The following MALRD1 variants were observed in gnomAD, a reference collection of about 807,000 sequenced individuals.
The protein encoded by MALRD1 is MAM and LDL-receptor class A domain-containing protein 1.
A neutral mutation model predicts 242.1 loss-of-function variants in MALRD1; 247 were observed. That is an observed-to-expected ratio of 1.02 (90% CI 0.92 to 1.13). MALRD1 has a LOEUF of 1.13. Among genes scored for constraint, MALRD1 ranks in the 50% most tolerant of loss-of-function variants. The pLI is 0.00. For synonymous variants in MALRD1, 995 were observed against 866.6 expected, an observed-to-expected ratio of 1.15 and a Z score of -2.60; for missense variants, 2,989 against 2,533.1, an observed-to-expected ratio of 1.18 and a Z score of -3.86.
At chr10:19,185,891 T>C (rs886783128) in intron 14 of MALRD1, among the ~76,000 whole-genome samples, 14 of 152,054 alleles carry the variant, frequency 9.2e-5, no homozygotes, top group African/African-American at 2.9e-4. Flanking sequence ...TTCTGAAAAA[T>C]GTTTCTGAGT....
intron 38 of MALRD1, among the ~76,000 whole-genome samples, chr10:19,694,426 A>C (rs919656549): frequency 6.6e-6 from 1 of 152,206 alleles, no homozygotes; most frequent in Non-Finnish European, 1.5e-5. Flanking sequence ...ATGAACAGAC[A>C]CTTCTCAAAA....
At chr10:19,467,595 C>T (rs1388771680) in intron 29 of MALRD1, among the ~76,000 whole-genome samples, 1 of 151,506 alleles carries the variant, frequency 6.6e-6, no homozygotes, top group Non-Finnish European at 1.5e-5. Flanking sequence ...GGATGTAATT[C>T]ACCCCACAAT....
chr10:19,269,994 T>C (rs1408821414), intron 19 of MALRD1, among the ~76,000 whole-genome samples: 1 of 152,200 alleles, frequency 6.6e-6, no homozygotes, highest in Non-Finnish European at 1.5e-5. Context: ...CTAGTTAAGT[T>C]GAAATCAGAA....
rs368519230 is a variant in MALRD1 at position 19,253,823 on chromosome 10, A to C, written c.2992-3861A>C. Among the ~76,000 whole-genome samples the C allele has an allele frequency of 1.6e-3, 241 of 151,948 alleles. 2 individuals are homozygous for C. Among genetic ancestry groups the C allele is most frequent in the African/African-American group, 5.7e-3 (235 of 41,494 alleles). ...TCAACACAAATCTGATTTCTTTCCCAATTGATATGGTTTGGCTCTGTGTCC... is the reference window on the plus strand; with the variant it reads ...TCAACACAAATCTGATTTCTTTCCCCATTGATATGGTTTGGCTCTGTGTCC... On this transcript the variant is annotated intron_variant, in intron 18 of 39. Coordinates refer to ENST00000454679, the MANE Select transcript of MALRD1 (RefSeq NM_001142308.3).
intron 28 of MALRD1, among the ~76,000 whole-genome samples, chr10:19,408,026 G>A (rs969713009): frequency 7.9e-5 from 12 of 152,104 alleles, no homozygotes; most frequent in African/African-American, 1.2e-4. Flanking sequence ...GAAACAATGA[G>A]TATTGCCAGG....
intron 18 of MALRD1, among the ~76,000 whole-genome samples, chr10:19,248,885 A>G (rs1839177070): frequency 6.7e-6 from 1 of 148,722 alleles, no homozygotes; most frequent in Admixed American, 6.8e-5. Flanking sequence ...GATATATAAC[A>G]TATATGATAT....
intron 18 of MALRD1, among the ~76,000 whole-genome samples, chr10:19,238,534 TTATA>T (rs370403204): frequency 0.048 from 3,647 of 76,726 alleles, 345 homozygotes; most frequent in Non-Finnish European, 0.074. Context: ...ATAATATACA[TTATA>T]TATAATATAT....
intron 38 of MALRD1, among the ~76,000 whole-genome samples, chr10:19,695,298 GC>G (rs1164903619): frequency 6.6e-6 from 1 of 152,072 alleles, no homozygotes; most frequent in Non-Finnish European, 1.5e-5. Flanking sequence ...GGCTAGATTT[GC>G]CATTACTGGT....
chr10:19,170,791 C>G (rs1348126112), intron 13 of MALRD1, among the ~76,000 whole-genome samples: 1 of 152,114 alleles, frequency 6.6e-6, no homozygotes, highest in Non-Finnish European at 1.5e-5. Context: ...TACTTCTATT[C>G]TCTAATCTTC....
chr10:19,649,818 G>T (rs1840791541), intron 36 of MALRD1, among the ~76,000 whole-genome samples: 1 of 152,034 alleles, frequency 6.6e-6, no homozygotes, highest in African/African-American at 2.4e-5. Flanking sequence ...TGTCCAGGAT[G>T]GTATTGCCTA....
intron 36 of MALRD1, among the ~76,000 whole-genome samples, chr10:19,679,231 T>A (rs1842265316): frequency 6.6e-6 from 1 of 152,224 alleles, no homozygotes; most frequent in African/African-American, 2.4e-5. Context: ...TCAGAAGGAA[T>A]GGTACCAGCT....
At chr10:19,369,619 A>G (rs975114406) in intron 26 of MALRD1, among the ~76,000 whole-genome samples, 1 of 122,336 alleles carries the variant, frequency 8.2e-6, no homozygotes, top group African/African-American at 3.1e-5. Flanking sequence ...ATATTTAAAT[A>G]TACATAAGTA....
At chr10:19,510,608 A>C (rs1450521449) in intron 31 of MALRD1, among the ~76,000 whole-genome samples, 1 of 152,256 alleles carries the variant, frequency 6.6e-6, no homozygotes, top group South Asian at 2.1e-4. Flanking sequence ...GACACAGCAC[A>C]TGTTTCTGCG....
chr10:19,337,075 ATATT>A, intron 24 of MALRD1, among the ~76,000 whole-genome samples: 1 of 152,224 alleles, frequency 6.6e-6, no homozygotes, highest in Middle Eastern at 3.4e-3. Context: ...TTGTGTGTAT[ATATT>A]TGTGTATATA....
chr10:19,281,072 T>C (rs1342445095), intron 20 of MALRD1, among the ~76,000 whole-genome samples: 2 of 152,130 alleles, frequency 1.3e-5, no homozygotes, highest in Non-Finnish European at 2.9e-5. Flanking sequence ...GTGAGGTTCA[T>C]ATTTATTCTT....
At chr10:19,513,380 G>C (rs1833487722) in intron 31 of MALRD1, among the ~76,000 whole-genome samples, 1 of 151,562 alleles carries the variant, frequency 6.6e-6, no homozygotes, top group African/African-American at 2.4e-5. Context: ...GCAGATACTG[G>C]TGCCATGCTT....
intron 14 of MALRD1, among the ~76,000 whole-genome samples, chr10:19,200,085 G>A (rs1018796582): frequency 6.6e-6 from 1 of 152,136 alleles, no homozygotes; most frequent in Non-Finnish European, 1.5e-5. Context: ...CTGAGGTCAT[G>A]TCACTGCACT....
chr10:19,170,158 A>G (rs1287205799), intron 13 of MALRD1, among the ~76,000 whole-genome samples: 1 of 152,236 alleles, frequency 6.6e-6, no homozygotes, highest in Non-Finnish European at 1.5e-5. Context: ...TGACATTTCA[A>G]TATTCCCTCT....
intron 36 of MALRD1, among the ~76,000 whole-genome samples, chr10:19,641,825 TC>T (rs1249046239): frequency 6.6e-6 from 1 of 152,148 alleles, no homozygotes; most frequent in African/African-American, 2.4e-5. Flanking sequence ...AGACATGGCT[TC>T]CCCAGAGTGA....
Sources: gnomAD v4.1 joint callset for allele counts (sites outside exome capture counted in the v4.1 genomes callset) on GRCh38, gnomAD v4.1.1 for gene constraint, MANE v1.5 for transcripts, NCBI Gene and HGNC (gene_info 2026-07-23, HGNC 2026-07-21) for gene names.